WDR7: variants seen among roughly 807,000 people sequenced by gnomAD.
WDR7 encodes the protein WD repeat domain 7.
In WDR7, 46 loss-of-function variants were observed where a neutral mutation model predicts 169.4. The ratio of observed to expected loss-of-function variants is 0.27; its 90% CI spans 0.21 to 0.35. WDR7 has a LOEUF of 0.35. WDR7 is among the 10% of genes least tolerant of loss of function. The pLI is 1.00. For missense variants in WDR7, 1,534 were observed against 1,859.3 expected (o/e 0.83, Z 3.22); for synonymous variants, 612 against 666.8 (o/e 0.92, Z 1.27).
chr18:56,959,142 C>A (rs1005295397), intron 25 of WDR7, among the ~76,000 whole-genome samples: 2 of 152,016 alleles, frequency 1.3e-5, no homozygotes, highest in Admixed American at 6.6e-5. Flanking sequence ...AGGGCACGAG[C>A]AATGGCAGTT....
At position 56,731,398 on chromosome 18, in the gene WDR7, G is replaced by A. The variant is rs761059277; in HGVS notation, c.1790G>A (p.Cys597Tyr). The part of the protein sequence containing the change: ...WQMDTGALDR[C>Y]VMGITAVEIL... ...TTTCTCGCAGGTGCATTGGATCGTT[G>A]TGTGATGGGGATAACAGCAGTTGAG... The change falls in exon 14 of 28, where the codon TGT (cysteine) becomes TAT (tyrosine). Residue 597 changes from cysteine (C) to tyrosine (Y), a missense_variant. Transcript: ENST00000254442. 3 of 1,613,730 alleles carry A rather than the reference G, an allele frequency of 1.9e-6. No homozygotes were observed. Among genetic ancestry groups the A allele is most frequent in the East Asian group, 4.5e-5 (2 of 44,880 alleles).
intron 12 of WDR7, among the ~76,000 whole-genome samples, chr18:56,704,381 G>GA (rs11407784): frequency 0.91 from 131,596 of 145,370 alleles, 60,702 homozygotes; most frequent in Non-Finnish European, 0.99. Context: ...TATCAAAAAA[G>GA]AAAAAAAAAA....
chr18:56,989,653 CCA>C (rs2047782165), intron 26 of WDR7, among the ~76,000 whole-genome samples: 1 of 152,150 alleles, frequency 6.6e-6, no homozygotes, highest in Non-Finnish European at 1.5e-5. Context: ...ACCAAAAATG[CCA>C]GGACTTTTGG....
intron 2 of WDR7, among the ~76,000 whole-genome samples, chr18:56,677,602 G>A (rs369666399): frequency 1.1e-3 from 172 of 152,156 alleles, no homozygotes; most frequent in African/African-American, 4.1e-3. Context: ...CACCCACCTC[G>A]GACCTCCCAG....
chr18:56,883,061 T>C (rs973975937), intron 21 of WDR7, among the ~76,000 whole-genome samples: 2 of 151,934 alleles, frequency 1.3e-5, no homozygotes, highest in Admixed American at 6.6e-5. Flanking sequence ...ATACAAAAAA[T>C]TGGCCAGATG....
At chr18:56,838,240 C>T (rs1307710308) in intron 20 of WDR7, among the ~76,000 whole-genome samples, 1 of 151,714 alleles carries the variant, frequency 6.6e-6, no homozygotes, top group African/African-American at 2.4e-5. Context: ...TTCTTTATAC[C>T]TGAAAGTATG....
chr18:56,871,168 T>A (rs1048934620), intron 20 of WDR7, among the ~76,000 whole-genome samples: 22 of 152,320 alleles, frequency 1.4e-4, no homozygotes, highest in African/African-American at 5.3e-4. Flanking sequence ...TTGTACATAG[T>A]AAATCGTGTC....
downstream of WDR7, chr18:57,033,233 A>G (rs2048451801): frequency 1.3e-5 from 2 of 152,114 alleles, no homozygotes. Flanking sequence ...GATTCTGATG[A>G]GGTGGTATTG....
At chr18:56,794,946 G>A (rs539382960) in intron 19 of WDR7, among the ~76,000 whole-genome samples, 1 of 152,174 alleles carries the variant, frequency 6.6e-6, no homozygotes, top group Non-Finnish European at 1.5e-5. Context: ...CATTAGAGTA[G>A]CAGATCCCAG....
At chr18:56,756,235 T>C (rs1486156029) in intron 14 of WDR7, among the ~76,000 whole-genome samples, 2 of 152,220 alleles carry the variant, frequency 1.3e-5, no homozygotes, top group Non-Finnish European at 2.9e-5. Flanking sequence ...GGTGGAACAG[T>C]AGTTTATTTT....
At chr18:56,900,789 C>G (rs1180915905) in intron 21 of WDR7, among the ~76,000 whole-genome samples, 1 of 152,266 alleles carries the variant, frequency 6.6e-6, no homozygotes, top group East Asian at 1.9e-4. Flanking sequence ...CCAAGCTGGT[C>G]TATAGACACA....
chr18:56,765,948 T>A (rs951086857), intron 16 of WDR7, among the ~76,000 whole-genome samples: 1 of 152,198 alleles, frequency 6.6e-6, no homozygotes, highest in Non-Finnish European at 1.5e-5. Context: ...CATGCTAATC[T>A]TTCTTTTAGT....
chr18:56,909,205 T>G (rs959152701), intron 21 of WDR7, among the ~76,000 whole-genome samples: 4 of 148,608 alleles, frequency 2.7e-5, no homozygotes, highest in Non-Finnish European at 6.0e-5. Context: ...ACTTAATAGC[T>G]CTCTCCTACC....
chr18:57,031,541 C>G (rs2048441406), downstream of WDR7: 1 of 152,164 alleles, frequency 6.6e-6, no homozygotes, highest in African/African-American at 2.4e-5. Context: ...AGTACATCAT[C>G]AGGCCTGCTG....
intron 12 of WDR7, among the ~76,000 whole-genome samples, chr18:56,707,280 G>A (rs898336931): frequency 5.9e-5 from 9 of 152,172 alleles, no homozygotes; most frequent in Admixed American, 1.3e-4. Context: ...ACCATGCCCA[G>A]CCTCAACTGA....
chr18:56,877,212 T>C (rs2046035499), intron 20 of WDR7, among the ~76,000 whole-genome samples: 2 of 151,974 alleles, frequency 1.3e-5, no homozygotes, highest in Admixed American at 1.3e-4. Flanking sequence ...TACCAATAAA[T>C]TTGAAAATGT....
intron 5 of WDR7, among the ~76,000 whole-genome samples, chr18:56,685,568 G>A (rs914430910): frequency 2.0e-5 from 3 of 152,166 alleles, no homozygotes; most frequent in African/African-American, 7.2e-5. Flanking sequence ...GGCAAGGTAT[G>A]TGGGAAAGGG....
intron 1 of WDR7, among the ~76,000 whole-genome samples, chr18:56,664,211 C>T (rs2024970035): frequency 1.3e-5 from 2 of 152,062 alleles, no homozygotes; most frequent in South Asian, 2.1e-4. Context: ...ATTGTTGACC[C>T]CTTCATGTAG....
In WDR7 at chr18:56,840,818, C is replaced by CA. The variant is rs201444044; in HGVS notation, c.3304+24682dup. 1.5e-3 allele frequency among the ~76,000 whole-genome samples: 214 copies of CA among 143,664 alleles called. 1 individual carries two copies. The highest frequency in any genetic ancestry group is 5.3e-3 in the African/African-American group (206 of 38,974). 94.2% of individuals were successfully genotyped at this position (143,664 alleles called of 152,430 possible). A position where few individuals can be genotyped will look rare whatever the true frequency, so the allele number is the denominator to read the frequency against. On this transcript the variant is annotated intron_variant, in intron 20 of 27. Transcript: ENST00000254442. ...TGGATGATAGAGTGAGATCTTGTCT[C>CA]AAAAAAAAGAAAAAAAAAAGACCCC...
Sources: gnomAD v4.1 joint callset for allele counts (sites outside exome capture counted in the v4.1 genomes callset) on GRCh38, gnomAD v4.1.1 for gene constraint, MANE v1.5 for transcripts, NCBI Gene and HGNC (gene_info 2026-07-23, HGNC 2026-07-21) for gene names.